CSMD3: variants seen among roughly 807,000 people sequenced by gnomAD.
CSMD3 encodes the protein CUB and sushi domain-containing protein 3.
A neutral mutation model predicts 435.2 loss-of-function variants in CSMD3; 177 were observed. The ratio of observed to expected loss-of-function variants is 0.41; its 90% CI spans 0.36 to 0.46. The LOEUF (loss-of-function observed/expected upper bound fraction) is 0.46, where lower values mean the gene tolerates loss of function less well. CSMD3 is among the 20% of genes least tolerant of loss of function. The probability of loss-of-function intolerance (pLI) is 0.34; values close to 1 mark genes in which losing one functional copy is unlikely to be tolerated. For missense variants in CSMD3, 4,265 were observed against 4,504.6 expected, an observed-to-expected ratio of 0.95 and a Z score of 1.52; for synonymous variants, 1,656 against 1,520.5, an observed-to-expected ratio of 1.09 and a Z score of -2.07.
intron 5 of CSMD3, among the ~76,000 whole-genome samples, chr8:113,066,178 T>C (rs1047046305): frequency 6.8e-6 from 1 of 147,946 alleles, no homozygotes; most frequent in Non-Finnish European, 1.5e-5. Context: ...GCGAGACAAA[T>C]TGTTTGGTAT....
At position 113,401,664 on chromosome 8, in the gene CSMD3, A is replaced by G. The variant is rs372889396; in HGVS notation, c.178+35013T>C. 6.6e-5 allele frequency among the ~76,000 whole-genome samples: 10 copies of G among 151,734 alleles called. No individual in the cohort carries two copies. In the East Asian group the frequency reaches 7.7e-4, roughly 12 times the overall value. ...CTAGTAAAATAAAATTTTTAGATGTAGTTAAAGTTAACATAGACAGCATTT... is the reference window on the plus strand; with the variant it reads ...CTAGTAAAATAAAATTTTTAGATGTGGTTAAAGTTAACATAGACAGCATTT... On this transcript the variant is annotated intron_variant, in intron 1 of 70. Coordinates refer to ENST00000297405, the MANE Select transcript of CSMD3 (RefSeq NM_198123.2).
At chr8:112,822,801 G>T (rs1412370409) in intron 12 of CSMD3, among the ~76,000 whole-genome samples, 1 of 152,094 alleles carries the variant, frequency 6.6e-6, no homozygotes, top group African/African-American at 2.4e-5. Flanking sequence ...ATTATTTTGA[G>T]ATATGTTCCA....
At chr8:112,498,029 GGAA>G (rs1821545548) in intron 30 of CSMD3, among the ~76,000 whole-genome samples, 1 of 151,966 alleles carries the variant, frequency 6.6e-6, no homozygotes, top group African/African-American at 2.4e-5. Context: ...CAGTGGGTGG[GGAA>G]GAAGGATGTA....
chr8:112,352,053 T>A (rs548345823), intron 39 of CSMD3, among the ~76,000 whole-genome samples: 1 of 152,222 alleles, frequency 6.6e-6, no homozygotes, highest in East Asian at 1.9e-4. Context: ...TTTCCCTTTA[T>A]TTTCAAATTC....
At chr8:112,829,587 TG>T (rs1309907637) in intron 12 of CSMD3, 98 bp downstream of exon 12, 1 of 738,622 alleles carries the variant, frequency 1.4e-6, no homozygotes, top group Non-Finnish European at 2.5e-6. Context: ...CATCTTCTGC[TG>T]GTAGTAGTGG....
At position 113,278,620 on chromosome 8, in the gene CSMD3, A is replaced by C. The variant is rs1418465013; in HGVS notation, c.486T>G (p.Ser162Arg). The change falls in exon 3 of 71, where the codon AGT becomes AGG. Residue 162 changes from serine to arginine, a missense_variant. Physicochemically the swap from Ser to Arg is moderately radical, Grantham distance 110. This residue lies in a region of CSMD3 where 731 missense variants were observed against 755.4 expected (regional missense o/e 0.97). Transcript: ENST00000297405. Reference sequence around the variant, plus strand: ...CGTAATATACCTTAAATCCATGAGCACTAACTGCAAAATCACTGGTCAAAC... The same window carrying C: ...CGTAATATACCTTAAATCCATGAGCCCTAACTGCAAAATCACTGGTCAAAC... ...SLRLTSDFAVSAHGFKVYYEE... is the reference protein window; with the variant it reads ...SLRLTSDFAVRAHGFKVYYEE... 1 of 1,582,552 alleles carries C rather than the reference A, an allele frequency of 6.3e-7. No homozygotes were observed. Among genetic ancestry groups the C allele is most frequent in the Non-Finnish European group, 8.7e-7 (1 of 1,151,620 alleles).
Position 112,740,569 on chromosome 8 carries a change from C to A in CSMD3, c.1973-50519G>T, listed in dbSNP as rs1056676280. Among the ~76,000 whole-genome samples, 66 of 151,802 alleles carry A rather than the reference C, an allele frequency of 4.3e-4. 1 individual carries two copies. Among genetic ancestry groups the A allele is most frequent in the Non-Finnish European group, 8.0e-4 (54 of 67,862 alleles). On this transcript the variant is annotated intron_variant, in intron 13 of 70. Coordinates refer to ENST00000297405, the MANE Select transcript of CSMD3 (RefSeq NM_198123.2). Reference sequence around the variant, plus strand: ...TAAAAGTGACTTTATTGAAGGTATGCACTCTGTTAAATTACAAAAAAGAAG... The same window carrying A: ...TAAAAGTGACTTTATTGAAGGTATGAACTCTGTTAAATTACAAAAAAGAAG...
intron 33 of CSMD3, 147 bp from the exon 34 acceptor site, chr8:112,408,560 A>G (rs1832058903): frequency 1.5e-6 from 1 of 685,826 alleles, no homozygotes; most frequent in Non-Finnish European, 2.6e-6. Context: ...CTACCAATAT[A>G]TTTCCTTTGG....
chr8:113,138,877 A>G (rs1322320417), intron 4 of CSMD3, among the ~76,000 whole-genome samples: 1 of 150,832 alleles, frequency 6.6e-6, no homozygotes, highest in South Asian at 2.1e-4. Context: ...GAATATATGT[A>G]TATATATATG....
chr8:113,250,748 T>A (rs1325654749), intron 3 of CSMD3, among the ~76,000 whole-genome samples: 1 of 152,076 alleles, frequency 6.6e-6, no homozygotes, highest in East Asian at 1.9e-4. Flanking sequence ...AACATAATAG[T>A]GTTAAAATAG....
chr8:113,258,430 C>T (rs2093401507), intron 3 of CSMD3, among the ~76,000 whole-genome samples: 1 of 152,168 alleles, frequency 6.6e-6, no homozygotes, highest in Non-Finnish European at 1.5e-5. Context: ...GACATATTAA[C>T]ACTCAAAGAC....
chr8:113,066,029 T>A (rs1205896165), intron 5 of CSMD3, among the ~76,000 whole-genome samples: 1 of 150,784 alleles, frequency 6.6e-6, no homozygotes, highest in Non-Finnish European at 1.5e-5. Flanking sequence ...TGGCAATGCA[T>A]GCTCTGCTCA....
chr8:112,893,846 CA>C (rs2081872105), intron 10 of CSMD3, among the ~76,000 whole-genome samples: 1 of 151,296 alleles, frequency 6.6e-6, no homozygotes, highest in African/African-American at 2.4e-5. Flanking sequence ...AGTGGGTTTA[CA>C]AAGTAATATA....
At chr8:112,689,169 C>A (rs1444277369) in intron 14 of CSMD3, among the ~76,000 whole-genome samples, 3 of 151,972 alleles carry the variant, frequency 2.0e-5, no homozygotes, top group African/African-American at 7.2e-5. Flanking sequence ...TCTAGACTTC[C>A]TGAAGAGCAA....
intron 1 of CSMD3, among the ~76,000 whole-genome samples, chr8:113,371,448 C>T (rs1427556984): frequency 6.6e-6 from 1 of 152,062 alleles, no homozygotes; most frequent in African/African-American, 2.4e-5. Flanking sequence ...TCTGACAATT[C>T]CCTGAATGAC....
chr8:113,391,293 C>CT (rs922039252), intron 1 of CSMD3, among the ~76,000 whole-genome samples: 23 of 151,956 alleles, frequency 1.5e-4, no homozygotes, highest in African/African-American at 7.2e-5. Flanking sequence ...GTCAGATACT[C>CT]TAAGTGTTTC....
At chr8:113,256,603 T>C (rs1345881615) in intron 3 of CSMD3, among the ~76,000 whole-genome samples, 1 of 152,168 alleles carries the variant, frequency 6.6e-6, no homozygotes, top group Non-Finnish European at 1.5e-5. Flanking sequence ...AGCTGATGAG[T>C]GGAGTGCAGA....
chr8:112,902,534 GA>G (rs1277719018), intron 10 of CSMD3, among the ~76,000 whole-genome samples: 9 of 151,218 alleles, frequency 6.0e-5, no homozygotes, highest in African/African-American at 2.2e-4. Context: ...CTAAATATAT[GA>G]ACCTGGTTTG....
At chr8:112,378,854 T>C (rs1022776512) in intron 38 of CSMD3, among the ~76,000 whole-genome samples, 1 of 152,078 alleles carries the variant, frequency 6.6e-6, no homozygotes, top group Admixed American at 6.6e-5. Flanking sequence ...TGAATGATAA[T>C]ACAATTACCC....
Sources: allele counts gnomAD v4.1 joint callset (sites outside exome capture counted in the v4.1 genomes callset), GRCh38; gene constraint gnomAD v4.1.1; regional missense constraint gnomAD v4.1.1; transcripts MANE v1.5; gene names NCBI Gene and HGNC (gene_info 2026-07-23, HGNC 2026-07-21).